ARF3: variants seen among roughly 807,000 people sequenced by gnomAD.
ARF3 encodes the protein ADP-ribosylation factor 3.
In ARF3, 5 loss-of-function variants were observed where a neutral mutation model predicts 19.3. The ratio of observed to expected loss-of-function variants is 0.26; its 90% CI spans 0.14 to 0.54. The LOEUF (loss-of-function observed/expected upper bound fraction) is 0.54, where lower values mean the gene tolerates loss of function less well. Among genes scored for constraint, ARF3 ranks in the 20% least tolerant of loss-of-function variants. The pLI, the probability that ARF3 is intolerant of heterozygous loss-of-function variation, is 0.95. For missense variants in ARF3, 77 were observed against 234.2 expected (o/e 0.33, Z 4.38); for synonymous variants, 71 against 89.2 (o/e 0.80, Z 1.15).
At chr12:48,945,140 TAAAAAA>T (rs36072910) in intron 1 of ARF3, among the ~76,000 whole-genome samples, 3 of 92,274 alleles carry the variant, frequency 3.3e-5, no homozygotes, top group Non-Finnish European at 6.1e-5. Context: ...GACTCTGTCT[TAAAAAA>T]AAAAAAAAAA....
Position 48,938,952 on chromosome 12 carries a change from T to G in ARF3, c.541A>C (p.Lys181Gln). ...TTGTTAGGGCTGTCTGGCTTTCACT[T>G]CTTGTTTTTGAGCTGATTGGCCAGC... ...DWLANQLKNK[K>Q] The change falls in exon 5 of 5, where the codon AAG (lysine) becomes CAG (glutamine). Residue 181 changes from lysine (K) to glutamine (Q), a missense_variant. This residue lies in a region of ARF3 where 53 missense variants were observed against 121.2 expected (regional missense o/e 0.44). Transcript: ENST00000256682. 6.2e-7 allele frequency: 1 copy of G among 1,611,922 alleles called. No individual in the cohort carries two copies. The highest frequency in any genetic ancestry group is 8.5e-7 in the Non-Finnish European group (1 of 1,179,768).
chr12:48,943,441 G>C (rs932394099), intron 1 of ARF3, among the ~76,000 whole-genome samples: 26 of 152,162 alleles, frequency 1.7e-4, no homozygotes, highest in Admixed American at 1.6e-3. Context: ...TCTAGAGTCT[G>C]GGAACCAGAG....
chr12:48,938,133 C>A lies in ARF3; in HGVS notation c.*814G>T. The A allele has an allele frequency of 3.0e-6, 1 of 329,068 alleles. No homozygotes were observed. Among genetic ancestry groups the A allele is most frequent in the South Asian group, 2.5e-5 (1 of 40,422 alleles). 20.4% of individuals were successfully genotyped at this position (329,068 alleles called of 1,614,324 possible). On this transcript the variant is annotated 3_prime_UTR_variant, in exon 5 of 5. Transcript: ENST00000256682. ...TCTCCTTCCCAACAGTAAGGCAGAG[C>A]AGAGTGGCATCTCCTTGGGAACAGT...
At chr12:48,956,500 TG>T (rs1459506342) in intron 1 of ARF3, 16 of 152,102 alleles carry the variant, frequency 1.1e-4, no homozygotes, top group Admixed American at 2.6e-4. Flanking sequence ...GCGTAAGCAA[TG>T]GCTCCATTTT....
Position 48,938,148 on chromosome 12 carries a change from T to G in ARF3, c.*799A>C. ...TAAGGCAGAGCAGAGTGGCATCTCC[T>G]TGGGAACAGTCATCTAGAGATAAAT... is the stretch of plus-strand genomic sequence containing the variant. On this transcript the variant is annotated 3_prime_UTR_variant, in exon 5 of 5. Coordinates refer to ENST00000256682, the MANE Select transcript of ARF3 (RefSeq NM_001659.3). The G allele has an allele frequency of 5.9e-6, 2 of 336,670 alleles. No homozygotes were observed. The highest frequency in any genetic ancestry group is 4.7e-5 in the South Asian group (2 of 42,750). The allele number at this position is 336,670 out of a possible 1,614,324, so 20.9% of individuals were successfully genotyped here.
At chr12:48,952,697 C>T (rs1355733979) in intron 1 of ARF3, among the ~76,000 whole-genome samples, 12 of 152,216 alleles carry the variant, frequency 7.9e-5, no homozygotes, top group Admixed American at 7.9e-4. Context: ...ACAAGGCCAA[C>T]CATTATACAG....
chr12:48,939,054 A>T lies in ARF3; in HGVS notation c.439T>A (p.Ser147Thr), dbSNP rs752526895. ...AEITDKLGLH[S>T]LRHRNWYIQA... ...ATGTACCAGTTACGGTGACGAAGGGAATGCAGGCCCAGCTTGTCTGTGATC... is the reference window on the plus strand; with the variant it reads ...ATGTACCAGTTACGGTGACGAAGGGTATGCAGGCCCAGCTTGTCTGTGATC... The change falls in exon 5 of 5, where the codon TCC becomes ACC. Residue 147 changes from serine to threonine, a missense_variant. Coordinates refer to ENST00000256682, the MANE Select transcript of ARF3 (RefSeq NM_001659.3). This position sits in a 1 kb window ranked among gnomAD's most constrained non-coding sequence, Gnocchi z 4.8. 6.2e-7 allele frequency: 1 copy of T among 1,614,052 alleles called. No individual in the cohort carries two copies. The highest frequency in any genetic ancestry group is 8.5e-7 in the Non-Finnish European group (1 of 1,180,012).
rs1940219724 is a variant in ARF3 at position 48,939,840 on chromosome 12, A to C, written c.260-61T>G. On this transcript the variant is annotated intron_variant, in intron 3 of 4. Transcript: ENST00000256682. The surrounding 1 kb of genome is among the most constrained non-coding windows in gnomAD (Gnocchi z 4.8). ...AGGTAACCCCCTCCCCCCAACCAAAAGACCACACCTGCCTGACACCCTCCA... is the reference window on the plus strand; with the variant it reads ...AGGTAACCCCCTCCCCCCAACCAAACGACCACACCTGCCTGACACCCTCCA... 1 of 1,609,542 alleles carries C rather than the reference A, an allele frequency of 6.2e-7. No homozygotes were observed. The highest frequency in any genetic ancestry group is 1.3e-5 in the African/African-American group (1 of 74,908).
rs1940183432 is a variant in ARF3, at chr12:48,938,254, C to T, written c.*693G>A. ...AAGAATCCATCATCTGTCCTATCAT[C>T]CAGAAAAACCTACCTGCAGAGAGGA... On this transcript the variant is annotated 3_prime_UTR_variant, in exon 5 of 5. Transcript: ENST00000256682. 1 of 383,650 alleles carries T rather than the reference C, an allele frequency of 2.6e-6. No individual in the cohort carries two copies. Among genetic ancestry groups the T allele is most frequent in the Admixed American group, 3.0e-5 (1 of 32,988 alleles). 23.8% of individuals were successfully genotyped at this position (383,650 alleles called of 1,614,324 possible). A position where few individuals can be genotyped will look rare whatever the true frequency, so the allele number is the denominator to read the frequency against.
At chr12:48,947,221 A>G (rs1228931006) in intron 1 of ARF3, among the ~76,000 whole-genome samples, 1 of 152,106 alleles carries the variant, frequency 6.6e-6, no homozygotes, top group Non-Finnish European at 1.5e-5. Flanking sequence ...CTCCTAGATG[A>G]TATCTGAACT....
At chr12:48,940,611 C>T (rs1940238874) in intron 2 of ARF3, among the ~76,000 whole-genome samples, 1 of 152,174 alleles carries the variant, frequency 6.6e-6, no homozygotes, top group Non-Finnish European at 1.5e-5. Context: ...GATTGGCCAC[C>T]AAAGATCTAA....
At chr12:48,944,705 C>T (rs1219939929) in intron 1 of ARF3, among the ~76,000 whole-genome samples, 1 of 152,188 alleles carries the variant, frequency 6.6e-6, no homozygotes, top group Non-Finnish European at 1.5e-5. Flanking sequence ...CAGCGAGTTG[C>T]TTAGCTATCC....
intron 1 of ARF3, among the ~76,000 whole-genome samples, chr12:48,954,225 A>G (rs1940520258): frequency 6.6e-6 from 1 of 152,016 alleles, no homozygotes; most frequent in South Asian, 2.1e-4. Flanking sequence ...TTCACCTCCC[A>G]CTCAGGCAGC....
chr12:48,936,914 C>CAG lies in ARF3; in HGVS notation c.*2032_*2033insCT, dbSNP rs1474387087. 1 of 152,044 alleles carries CAG rather than the reference C, an allele frequency of 6.6e-6. No homozygotes were observed. The highest frequency in any genetic ancestry group is 1.5e-5 in the Non-Finnish European group (1 of 68,008). 9.4% of individuals were successfully genotyped at this position (152,044 alleles called of 1,614,324 possible). A position where few individuals can be genotyped will look rare whatever the true frequency, so the allele number is the denominator to read the frequency against. ...ACAAAATAAATCTGAGGAAACAGAG[C>CAG]AAATAAAAAGTATGGAGGGAAGCAT... On this transcript the variant is annotated 3_prime_UTR_variant, in exon 5 of 5. Coordinates refer to ENST00000256682, the MANE Select transcript of ARF3 (RefSeq NM_001659.3).
Position 48,939,090 on chromosome 12 carries a change from T to A in ARF3, c.403A>T (p.Asn135Tyr). Residue 135 changes from asparagine (N) to tyrosine (Y), a missense_variant, in exon 5 of 5, where the codon AAC becomes TAC. Asn to Tyr is a moderately radical substitution (Grantham distance 143). Around this residue, in one of 3 missense-constraint regions of ARF3, gnomAD observed 53 missense variants for 121.2 expected, o/e 0.44. Coordinates refer to ENST00000256682, the MANE Select transcript of ARF3 (RefSeq NM_001659.3). This position sits in a 1 kb window ranked among gnomAD's most constrained non-coding sequence, Gnocchi z 4.8. Reference sequence around the variant, plus strand: ...AGCTTGTCTGTGATCTCAGCAGCGTTCATAGCATTAGGCAGATCCTGGAGC... The same window carrying A: ...AGCTTGTCTGTGATCTCAGCAGCGTACATAGCATTAGGCAGATCCTGGAGC... Reference protein sequence around the residue: ...ANKQDLPNAMNAAEITDKLGL... With the variant: ...ANKQDLPNAMYAAEITDKLGL... The A allele has an allele frequency of 1.2e-6, 2 of 1,614,106 alleles. No homozygotes were observed. Among genetic ancestry groups the A allele is most frequent in the Non-Finnish European group, 1.7e-6 (2 of 1,179,998 alleles).
chr12:48,954,244 T>A (rs1157397934), intron 1 of ARF3, among the ~76,000 whole-genome samples: 2 of 152,174 alleles, frequency 1.3e-5, no homozygotes, highest in Non-Finnish European at 2.9e-5. Flanking sequence ...GCAGGAGCTG[T>A]CTCTGCGATG....
chr12:48,939,853 C>T lies in ARF3; in HGVS notation c.260-74G>A. 3 of 1,606,238 alleles carry T rather than the reference C, an allele frequency of 1.9e-6. No homozygotes were observed. The highest frequency in any genetic ancestry group is 1.7e-6 in the Non-Finnish European group (2 of 1,174,098). On this transcript the variant is annotated intron_variant, in intron 3 of 4. Transcript: ENST00000256682. The surrounding 1 kb of genome is among the most constrained non-coding windows in gnomAD (Gnocchi z 4.8). ...CCCCCAACCAAAAGACCACACCTGC[C>T]TGACACCCTCCAAATATTTGCTCCC... is the stretch of plus-strand genomic sequence containing the variant.
At chr12:48,948,963 A>C (rs999215924) in intron 1 of ARF3, among the ~76,000 whole-genome samples, 11 of 152,202 alleles carry the variant, frequency 7.2e-5, no homozygotes, top group Admixed American at 6.5e-4. Context: ...GAAAGACTGG[A>C]GGCACAGACA....
intron 1 of ARF3, chr12:48,956,259 C>G (rs866999308): frequency 7.2e-5 from 11 of 152,332 alleles, no homozygotes; most frequent in Admixed American, 4.6e-4. Flanking sequence ...TTTTAGGTTA[C>G]ATTTCTCCCT....
Sources: gnomAD v4.1 joint callset for allele counts (sites outside exome capture counted in the v4.1 genomes callset) on GRCh38, gnomAD v4.1.1 for gene constraint, gnomAD v4.1.1 regional missense constraint, Gnocchi (gnomAD v3.1) non-coding constraint, MANE v1.5 for transcripts, NCBI Gene and HGNC (gene_info 2026-07-23, HGNC 2026-07-21) for gene names.